Variants in ERGIC1 observed in about 807,000 individuals in gnomAD.
ERGIC1 encodes the protein endoplasmic reticulum-golgi intermediate compartment 1, also known as endoplasmic reticulum-Golgi intermediate compartment protein 1.
ERGIC1 carries 19 observed loss-of-function variants against 38.3 expected under a neutral mutation model. The observed-to-expected ratio is 0.50, with a 90% confidence interval of 0.35 to 0.73. ERGIC1 has a LOEUF of 0.73. Ranked by LOEUF, ERGIC1 falls within the 30% of genes least tolerant of loss-of-function variation. The probability of loss-of-function intolerance (pLI) is 0.01; values close to 1 mark genes in which losing one functional copy is unlikely to be tolerated. For missense variants in ERGIC1, 294 were observed against 389.2 expected, an observed-to-expected ratio of 0.76 and a Z score of 2.06; for synonymous variants, 124 against 157.6, an observed-to-expected ratio of 0.79 and a Z score of 1.60.
intron 3 of ERGIC1, 47 bp downstream of exon 3, chr5:172,897,121 C>T: frequency 6.3e-7 from 1 of 1,587,852 alleles, no homozygotes; most frequent in Admixed American, 1.7e-5. Flanking sequence ...TTCTGGGACC[C>T]CAGACAAGAA....
rs76653706 is a variant in ERGIC1, at chr5:172,904,500, G to A, written c.156-5167G>A. 3.2e-3 allele frequency among the ~76,000 whole-genome samples: 483 copies of A among 152,364 alleles called. 7 individuals are homozygous for A. Among genetic ancestry groups the A allele is most frequent in the African/African-American group, 0.011 (455 of 41,582 alleles). ...CAGAGCCAGGAGGTGAGCCCACACC[G>A]GTCTGCCACTGCCCCCATAGGCCTT... is the stretch of plus-strand genomic sequence containing the variant. On this transcript the variant is annotated intron_variant, in intron 3 of 9. Coordinates refer to ENST00000393784, the MANE Select transcript of ERGIC1 (RefSeq NM_001031711.3).
chr5:172,862,677 G>A (rs191430125), intron 1 of ERGIC1, among the ~76,000 whole-genome samples: 66 of 152,310 alleles, frequency 4.3e-4, no homozygotes, highest in Admixed American at 3.3e-3. Context: ...AATTTGGGAC[G>A]TCCTTACCAG....
At position 172,951,738 on chromosome 5, in the gene ERGIC1, G is replaced by T. The variant is rs536403401; in HGVS notation, c.*922G>T. ...AGATAGACATGGTTTGTGCACTTAC[G>T]TCCAGATGGGAAGCATCCTTCCTGC... On this transcript the variant is annotated 3_prime_UTR_variant, in exon 10 of 10. Transcript: ENST00000393784. The T allele has an allele frequency of 6.6e-6, 1 of 152,128 alleles. No individual in the cohort carries two copies. Among genetic ancestry groups the T allele is most frequent in the African/African-American group, 2.4e-5 (1 of 41,444 alleles). 9.4% of individuals were successfully genotyped at this position (152,128 alleles called of 1,614,324 possible). A position where few individuals can be genotyped will look rare whatever the true frequency, so the allele number is the denominator to read the frequency against.
At chr5:172,855,838 G>A (rs1315266007) in intron 1 of ERGIC1, among the ~76,000 whole-genome samples, 2 of 152,184 alleles carry the variant, frequency 1.3e-5, no homozygotes, top group Non-Finnish European at 2.9e-5. Context: ...GGCTGTGAGC[G>A]GCCCACTCAG....
intron 1 of ERGIC1, among the ~76,000 whole-genome samples, chr5:172,877,459 T>TATATATA (rs1554108825): frequency 6.9e-5 from 4 of 57,788 alleles, no homozygotes; most frequent in African/African-American, 2.1e-4. Flanking sequence ...TATATATATA[T>TATATATA]TTTTTTTTTT....
chr5:172,841,174 T>C (rs1372288713), intron 1 of ERGIC1, among the ~76,000 whole-genome samples: 1 of 152,160 alleles, frequency 6.6e-6, no homozygotes, highest in African/African-American at 2.4e-5. Flanking sequence ...ATTACATTGA[T>C]TGTATATGTG....
intron 1 of ERGIC1, among the ~76,000 whole-genome samples, chr5:172,884,803 T>C (rs1160081753): frequency 6.6e-6 from 1 of 152,236 alleles, no homozygotes; most frequent in Non-Finnish European, 1.5e-5. Context: ...CTAGGAAATG[T>C]ATGTATATAT....
At chr5:172,855,967 G>A (rs1420306066) in intron 1 of ERGIC1, among the ~76,000 whole-genome samples, 1 of 152,188 alleles carries the variant, frequency 6.6e-6, no homozygotes, top group South Asian at 2.1e-4. Context: ...TTTCCACATC[G>A]ACTTGATGTT....
chr5:172,847,281 C>A (rs572606306), intron 1 of ERGIC1, among the ~76,000 whole-genome samples: 42 of 152,246 alleles, frequency 2.8e-4, no homozygotes, highest in African/African-American at 9.1e-4. Flanking sequence ...TCTGCTCACA[C>A]TCCTTTGTCC....
chr5:172,872,934 C>A (rs934772559), intron 1 of ERGIC1, among the ~76,000 whole-genome samples: 15 of 152,234 alleles, frequency 9.9e-5, no homozygotes. Context: ...AAAAGGGGCA[C>A]CTTTCACAGG....
At chr5:172,854,863 T>C (rs1201198325) in intron 1 of ERGIC1, among the ~76,000 whole-genome samples, 1 of 152,286 alleles carries the variant, frequency 6.6e-6, no homozygotes, top group East Asian at 1.9e-4. Flanking sequence ...TGACCAGAAA[T>C]ATGCCTTAGG....
At chr5:172,855,107 A>G (rs1761511938) in intron 1 of ERGIC1, among the ~76,000 whole-genome samples, 1 of 152,190 alleles carries the variant, frequency 6.6e-6, no homozygotes, top group Non-Finnish European at 1.5e-5. Flanking sequence ...CCCAACGGAC[A>G]GTGGTGGATG....
intron 5 of ERGIC1, among the ~76,000 whole-genome samples, chr5:172,921,794 A>G (rs1263842927): frequency 6.6e-6 from 1 of 152,190 alleles, no homozygotes; most frequent in Non-Finnish European, 1.5e-5. Flanking sequence ...CATGCTGGGA[A>G]GTTTCTGTCC....
chr5:172,907,062 A>G (rs1343256771), intron 3 of ERGIC1, among the ~76,000 whole-genome samples: 2 of 152,008 alleles, frequency 1.3e-5, no homozygotes, highest in Non-Finnish European at 2.9e-5. Context: ...GCCCAGTCCC[A>G]TCCATCAGCA....
chr5:172,943,340 T>C (rs1447833601), intron 9 of ERGIC1, among the ~76,000 whole-genome samples: 16 of 149,388 alleles, frequency 1.1e-4, no homozygotes, highest in Non-Finnish European at 1.6e-4. Context: ...CACGCTCTCC[T>C]CCCCCACCCC....
chr5:172,937,102 C>G (rs1763902470), intron 9 of ERGIC1: 1 of 152,124 alleles, frequency 6.6e-6, no homozygotes, highest in African/African-American at 2.4e-5. Context: ...TCTCTTTGAC[C>G]ACATAAAAGT....
At chr5:172,847,569 A>G (rs6880802) in intron 1 of ERGIC1, among the ~76,000 whole-genome samples, 2,100 of 152,250 alleles carry the variant, frequency 0.014, 29 homozygotes, top group Non-Finnish European at 0.022. Context: ...GCTGGAGTGC[A>G]GTGGCATGAT....
chr5:172,861,768 C>G (rs573652532), intron 1 of ERGIC1, among the ~76,000 whole-genome samples: 21 of 152,180 alleles, frequency 1.4e-4, no homozygotes, highest in Admixed American at 5.9e-4. Flanking sequence ...GCCAGGATAG[C>G]CTGGTGCTCC....
intron 3 of ERGIC1, among the ~76,000 whole-genome samples, chr5:172,899,260 A>G (rs1352220491): frequency 1.4e-5 from 2 of 145,550 alleles, no homozygotes; most frequent in Non-Finnish European, 3.0e-5. Context: ...AGCAGGCAGG[A>G]CGGAGAGGGG....
Sources: allele counts gnomAD v4.1 joint callset (sites outside exome capture counted in the v4.1 genomes callset), GRCh38; gene constraint gnomAD v4.1.1; transcripts MANE v1.5; gene names NCBI Gene and HGNC (gene_info 2026-07-23, HGNC 2026-07-21).